RHBDD1: variants seen among roughly 807,000 people sequenced by gnomAD.
RHBDD1 encodes rhomboid domain containing 1.
A neutral mutation model predicts 36.3 loss-of-function variants in RHBDD1; 38 were observed. The observed-to-expected ratio is 1.05, with a 90% CI of 0.81 to 1.37. RHBDD1 has a LOEUF of 1.37. Among genes scored for constraint, RHBDD1 ranks in the 40% most tolerant of loss-of-function variants. The probability of loss-of-function intolerance (pLI) is 0.00; values close to 1 mark genes in which losing one functional copy is unlikely to be tolerated. For missense variants in RHBDD1, 393 were observed against 377.6 expected, an observed-to-expected ratio of 1.04 and a Z score of -0.34; for synonymous variants, 151 against 136.5, an observed-to-expected ratio of 1.11 and a Z score of -0.74.
chr2:226,975,372 C>T (rs939469202), intron 8 of RHBDD1, among the ~76,000 whole-genome samples: 21 of 152,174 alleles, frequency 1.4e-4, no homozygotes, highest in African/African-American at 4.3e-4. Flanking sequence ...GTCAATTAGA[C>T]CTCAATAAAG....
intron 8 of RHBDD1, among the ~76,000 whole-genome samples, chr2:226,983,396 TG>T (rs1478338142): frequency 6.6e-6 from 1 of 152,164 alleles, no homozygotes; most frequent in African/African-American, 2.4e-5. Context: ...GCCAGTTATG[TG>T]GTTCACTTTA....
upstream of RHBDD1, among the ~76,000 whole-genome samples, chr2:226,834,447 G>A (rs560074694): frequency 3.3e-5 from 5 of 152,310 alleles, no homozygotes; most frequent in Admixed American, 3.3e-4. Context: ...TAGGAAAGAG[G>A]TAACTTATGA....
At chr2:226,857,266 A>G (rs374429885) in intron 3 of RHBDD1, among the ~76,000 whole-genome samples, 2 of 152,200 alleles carry the variant, frequency 1.3e-5, no homozygotes, top group Admixed American at 6.5e-5. Flanking sequence ...GGATGGCTAC[A>G]GTAAAAAAAG....
chr2:226,845,620 A>T (rs552951170), intron 3 of RHBDD1, among the ~76,000 whole-genome samples: 1 of 152,314 alleles, frequency 6.6e-6, no homozygotes, highest in East Asian at 1.9e-4. Flanking sequence ...AATGTGTTGT[A>T]TTATCCATCA....
At chr2:226,885,256 A>G (rs1477790568) in intron 5 of RHBDD1, among the ~76,000 whole-genome samples, 1 of 152,184 alleles carries the variant, frequency 6.6e-6, no homozygotes, top group Non-Finnish European at 1.5e-5. Context: ...AACATTCTGA[A>G]AAGTAATTTG....
intron 8 of RHBDD1, among the ~76,000 whole-genome samples, chr2:226,968,794 G>A (rs754098957): frequency 2.0e-5 from 3 of 152,108 alleles, no homozygotes; most frequent in South Asian, 2.1e-4. Flanking sequence ...AAGTATAATC[G>A]GTGTTTGCAG....
chr2:226,969,923 A>G (rs1953116459), intron 8 of RHBDD1, among the ~76,000 whole-genome samples: 1 of 151,982 alleles, frequency 6.6e-6, no homozygotes, highest in Non-Finnish European at 1.5e-5. Context: ...TTGAACTCAG[A>G]AGGAGGGTCT....
At chr2:226,883,912 AC>A (rs1480598636) in intron 5 of RHBDD1, among the ~76,000 whole-genome samples, 1 of 152,138 alleles carries the variant, frequency 6.6e-6, no homozygotes, top group East Asian at 1.9e-4. Flanking sequence ...AATTATTTTG[AC>A]TCGATTTTTT....
chr2:226,821,084 A>C, the RHBDD1 span, among the ~76,000 whole-genome samples: 1 of 152,176 alleles, frequency 6.6e-6, no homozygotes. Context: ...GAATGATGGC[A>C]AGGTTGATAT....
At chr2:226,915,698 T>C (rs1948851886) in intron 8 of RHBDD1, among the ~76,000 whole-genome samples, 1 of 152,124 alleles carries the variant, frequency 6.6e-6, no homozygotes, top group Non-Finnish European at 1.5e-5. Flanking sequence ...GGGAGACAAG[T>C]TGGAAGACTA....
At chr2:226,964,619 C>G (rs1952482378) in intron 8 of RHBDD1, among the ~76,000 whole-genome samples, 1 of 152,188 alleles carries the variant, frequency 6.6e-6, no homozygotes, top group African/African-American at 2.4e-5. Context: ...TCTAAAATTA[C>G]AAATAAACAT....
chr2:226,921,099 G>A (rs2073584145), intron 8 of RHBDD1, among the ~76,000 whole-genome samples: 1 of 152,094 alleles, frequency 6.6e-6, no homozygotes, highest in African/African-American at 2.4e-5. Flanking sequence ...AATTGTGTGT[G>A]TCTAGGAATT....
chr2:226,887,503 T>C (rs1219223605), intron 5 of RHBDD1, among the ~76,000 whole-genome samples: 1 of 152,250 alleles, frequency 6.6e-6, no homozygotes, highest in East Asian at 1.9e-4. Context: ...CACTGCGTGA[T>C]ATATACCAAG....
chr2:226,951,614 G>T (rs905563738), intron 8 of RHBDD1, among the ~76,000 whole-genome samples: 2 of 152,130 alleles, frequency 1.3e-5, no homozygotes, highest in Non-Finnish European at 1.5e-5. Flanking sequence ...TCGGGGAAAG[G>T]CCAGGGAATA....
chr2:226,953,475 C>T (rs138369082), intron 8 of RHBDD1, among the ~76,000 whole-genome samples: 11 of 152,278 alleles, frequency 7.2e-5, no homozygotes, highest in Non-Finnish European at 1.6e-4. Context: ...GCACTCTGCA[C>T]CCTGGAAAGA....
At chr2:226,987,570 C>T (rs1261211709) in intron 8 of RHBDD1, among the ~76,000 whole-genome samples, 4 of 152,216 alleles carry the variant, frequency 2.6e-5, no homozygotes, top group African/African-American at 4.8e-5. Flanking sequence ...CCACCTGACG[C>T]CTGTGTCTCA....
At chr2:226,899,883 A>G (rs992808953) in intron 5 of RHBDD1, among the ~76,000 whole-genome samples, 1 of 152,262 alleles carries the variant, frequency 6.6e-6, no homozygotes, top group Non-Finnish European at 1.5e-5. Flanking sequence ...CAATGACACA[A>G]CAAGGAATTT....
At chr2:226,922,121 A>T (rs1197676752) in intron 8 of RHBDD1, among the ~76,000 whole-genome samples, 1 of 145,100 alleles carries the variant, frequency 6.9e-6, no homozygotes, top group African/African-American at 2.6e-5. Context: ...TATAGTTTTT[A>T]TCTTCAAATC....
At chr2:226,871,852 T>C (rs1262308202) in intron 5 of RHBDD1, among the ~76,000 whole-genome samples, 2 of 152,256 alleles carry the variant, frequency 1.3e-5, no homozygotes, top group Non-Finnish European at 2.9e-5. Flanking sequence ...TGTTAGGAAT[T>C]ACAAGTTTAA....
Sources: allele counts gnomAD v4.1 joint callset (sites outside exome capture counted in the v4.1 genomes callset), GRCh38; gene constraint gnomAD v4.1.1; transcripts MANE v1.5; gene names NCBI Gene and HGNC (gene_info 2026-07-23, HGNC 2026-07-21).